ABCA4: variants seen among roughly 807,000 people sequenced by gnomAD.
ABCA4 encodes the protein ATP binding cassette subfamily A member 4, also known as retinal-specific phospholipid-transporting ATPase ABCA4.
Under a neutral mutation model 263.7 loss-of-function variants are expected in ABCA4, and 196 were observed. That is an observed-to-expected ratio of 0.74 (90% CI 0.66 to 0.84). ABCA4 has a LOEUF of 0.84. ABCA4 is among the 40% of genes least tolerant of loss of function. ABCA4 has a pLI of 0.00. For missense variants in ABCA4, 2,792 were observed against 2,855.1 expected, an observed-to-expected ratio of 0.98 and a Z score of 0.50; for synonymous variants, 1,133 against 1,094.2, an observed-to-expected ratio of 1.04 and a Z score of -0.70.
chr1:94,050,984 G>C (rs112138005), intron 17 of ABCA4, among the ~76,000 whole-genome samples: 50 of 152,306 alleles, frequency 3.3e-4, no homozygotes, highest in African/African-American at 1.1e-3. Context: ...CCTCACAAAA[G>C]AGTCTGTGCT....
At chr1:94,119,025 G>A (rs1662877920) in intron 1 of ABCA4, among the ~76,000 whole-genome samples, 1 of 152,144 alleles carries the variant, frequency 6.6e-6, no homozygotes, top group Admixed American at 6.5e-5. Context: ...TGGCATATTG[G>A]ATTTTCCTCC....
At chr1:94,102,006 A>G (rs892918173) in intron 5 of ABCA4, among the ~76,000 whole-genome samples, 11 of 152,148 alleles carry the variant, frequency 7.2e-5, no homozygotes, top group Admixed American at 5.2e-4. Flanking sequence ...AGTAAGAAAC[A>G]CTGGATTAGG....
Position 94,108,640 on chromosome 1 carries a change from T to A in ABCA4, c.379A>T (p.Thr127Ser), listed in dbSNP as rs1438605451. The part of the protein sequence containing the change: ...PESQHLGRIW[T>S]ELHILSQFMD... ...AATTGGGACAAGATGTGTAGCTCTGTCCAAATACGGCCAAGGTGCTGGCTC... is the reference window on the plus strand; with the variant it reads ...AATTGGGACAAGATGTGTAGCTCTGACCAAATACGGCCAAGGTGCTGGCTC... Residue 127 changes from threonine to serine, a missense_variant, in exon 4 of 50, where the codon ACA (threonine) becomes TCA (serine). By Grantham distance (58) the Thr-to-Ser change is moderately conservative. Coordinates refer to ENST00000370225, the MANE Select transcript of ABCA4 (RefSeq NM_000350.3). The A allele has an allele frequency of 6.2e-7, 1 of 1,613,914 alleles. No individual in the cohort carries two copies. Among genetic ancestry groups the A allele is most frequent in the Non-Finnish European group, 8.5e-7 (1 of 1,180,020 alleles).
At chr1:94,028,930 A>AAAAAAACAAAAC (rs35998587) in intron 30 of ABCA4, among the ~76,000 whole-genome samples, 1 of 108,032 alleles carries the variant, frequency 9.3e-6, no homozygotes, top group South Asian at 2.9e-4. Flanking sequence ...AAAAAAAAAA[A>AAAAAAACAAAAC]GAAATTCAAA....
rs1181923318 is a variant in ABCA4, at chr1:94,022,003, C to G, written c.4668-52G>C. 3.4e-6 allele frequency: 5 copies of G among 1,456,302 alleles called. No individual in the cohort carries two copies. The East Asian group carries it at 1.1e-4, about 33-fold the overall frequency. 90.2% of individuals were successfully genotyped at this position (1,456,302 alleles called of 1,614,324 possible). On this transcript the variant is annotated intron_variant, in intron 32 of 49. Transcript: ENST00000370225. Reference sequence around the variant, plus strand: ...ACCAGGGCCACGAACTTCACGCCTACTAGTAGCTCTCTCGGGTTTTGTAGG... The same window carrying G: ...ACCAGGGCCACGAACTTCACGCCTAGTAGTAGCTCTCTCGGGTTTTGTAGG...
intron 26 of ABCA4, among the ~76,000 whole-genome samples, chr1:94,033,820 G>T (rs557430045): frequency 6.6e-6 from 1 of 152,198 alleles, no homozygotes; most frequent in East Asian, 1.9e-4. Flanking sequence ...CGGTGCCAGA[G>T]CCCCAGTTCT....
At chr1:94,011,437 C>A (rs756049879) in intron 38 of ABCA4, 52 bp from the exon 39 acceptor site, 1 of 1,544,690 alleles carries the variant, frequency 6.5e-7, no homozygotes, top group Non-Finnish European at 8.7e-7. Context: ...CACCCCCCCT[C>A]TCTTCAGCAG....
intron 6 of ABCA4, among the ~76,000 whole-genome samples, chr1:94,094,763 G>C (rs1030714749): frequency 6.6e-6 from 1 of 152,194 alleles, no homozygotes; most frequent in Non-Finnish European, 1.5e-5. Context: ...GGGGGAAGAG[G>C]GGGAGGAGGA....
At chr1:94,000,512 A>C (rs1659143771) in intron 47 of ABCA4, among the ~76,000 whole-genome samples, 1 of 152,154 alleles carries the variant, frequency 6.6e-6, no homozygotes. Context: ...CAGGTCCCGG[A>C]TCTGTTGAGA....
At chr1:94,084,536 C>T (rs1661783544) in intron 6 of ABCA4, among the ~76,000 whole-genome samples, 1 of 152,180 alleles carries the variant, frequency 6.6e-6, no homozygotes, top group Non-Finnish European at 1.5e-5. Context: ...TGCAGAGGTC[C>T]TTGTATTCTT....
At chr1:94,119,946 C>T (rs1451668255) in intron 1 of ABCA4, among the ~76,000 whole-genome samples, 1 of 152,146 alleles carries the variant, frequency 6.6e-6, no homozygotes, top group African/African-American at 2.4e-5. Context: ...CAGTGGCTTG[C>T]AGCTCCCAGG....
intron 16 of ABCA4, among the ~76,000 whole-genome samples, chr1:94,052,002 A>T (rs1041113065): frequency 3.3e-5 from 5 of 152,222 alleles, no homozygotes; most frequent in African/African-American, 1.2e-4. Context: ...TCCAGGAGTC[A>T]GATAATAATA....
At chr1:94,099,548 C>A (rs982573433) in intron 5 of ABCA4, among the ~76,000 whole-genome samples, 1 of 152,124 alleles carries the variant, frequency 6.6e-6, no homozygotes, top group Non-Finnish European at 1.5e-5. Context: ...TCAAGGGATC[C>A]CCTTCTTACA....
At chr1:94,036,661 G>A in intron 26 of ABCA4, 79 bp downstream of exon 26, 1 of 1,479,932 alleles carries the variant, frequency 6.8e-7, no homozygotes, top group Non-Finnish European at 9.5e-7. Context: ...GAGCCACTGT[G>A]CCCAGCCCCT....
intron 32 of ABCA4, 46 bp downstream of exon 32, chr1:94,023,340 A>G (rs952100549): frequency 6.7e-7 from 1 of 1,499,572 alleles, no homozygotes; most frequent in South Asian, 1.2e-5. Flanking sequence ...TTATTTCAAC[A>G]ATGAATCAAT....
At chr1:94,056,551 C>A in intron 15 of ABCA4, 50 bp downstream of exon 15, 3 of 1,581,616 alleles carry the variant, frequency 1.9e-6, no homozygotes, top group Non-Finnish European at 2.6e-6. Context: ...CTGCTACGGA[C>A]CCTTCCAAGG....
chr1:94,037,145 C>G lies in ABCA4; in HGVS notation c.3813G>C (p.Glu1271Asp). ...AAACCAGCTGGAATCTCTACTTTAC[C>G]TCTTCCAGGGGAGTGTCAGAAATTC... is the stretch of plus-strand genomic sequence containing the variant. ...SFGISDTPLE[E>D]IFLKVTEDSD... Residue 1271 changes from glutamate to aspartate, a missense_variant and splice_region_variant, in exon 25 of 50, where the codon GAG becomes GAC. Transcript: ENST00000370225. The G allele has an allele frequency of 3.1e-6, 5 of 1,614,052 alleles. No individual in the cohort carries two copies. The highest frequency in any genetic ancestry group is 4.2e-6 in the Non-Finnish European group (5 of 1,179,922).
At position 94,083,388 on chromosome 1, in the gene ABCA4, T is replaced by A. The variant is rs771910126; in HGVS notation, c.822A>T (p.Gly274=). The stretch of plus-strand genomic sequence containing the variant: ...TTGGTGACATATCAGATAATATTCC[T>A]CCCCAAGATCTCAGATTGATACCTT... ...RSQGINLRSW[G]GILSDMSPRI... Residue 274 remains glycine (G), a synonymous_variant, in exon 7 of 50, where the codon GGA becomes GGT. Coordinates refer to ENST00000370225, the MANE Select transcript of ABCA4 (RefSeq NM_000350.3). 1.2e-6 allele frequency: 2 copies of A among 1,613,760 alleles called. No homozygotes were observed. Among genetic ancestry groups the A allele is most frequent in the Admixed American group, 3.3e-5 (2 of 60,022 alleles).
intron 4 of ABCA4, among the ~76,000 whole-genome samples, chr1:94,106,488 A>C (rs1451822095): frequency 2.6e-5 from 4 of 152,140 alleles, no homozygotes; most frequent in Non-Finnish European, 5.9e-5. Flanking sequence ...TGTTTAAATT[A>C]GGAAAAAAAC....
Sources: allele counts gnomAD v4.1 joint callset (sites outside exome capture counted in the v4.1 genomes callset), GRCh38; gene constraint gnomAD v4.1.1; transcripts MANE v1.5; gene names NCBI Gene and HGNC (gene_info 2026-07-23, HGNC 2026-07-21).